PKP4: variants seen among roughly 807,000 people sequenced by gnomAD.
PKP4 encodes plakophilin-4.
A neutral mutation model predicts 145.1 loss-of-function variants in PKP4; 90 were observed. That is an observed-to-expected ratio of 0.62 (90% confidence interval 0.52 to 0.74). The LOEUF (loss-of-function observed/expected upper bound fraction) is 0.74, where lower values mean the gene tolerates loss of function less well. PKP4 is among the 30% of genes least tolerant of loss of function. The pLI, the probability that PKP4 is intolerant of heterozygous loss-of-function variation, is 0.00. For missense variants in PKP4, 1,340 were observed against 1,482.7 expected (o/e 0.90, Z 1.58); for synonymous variants, 563 against 577.2 (o/e 0.98, Z 0.35).
At chr2:158,556,981 CAG>C (rs1310559332) in intron 2 of PKP4, among the ~76,000 whole-genome samples, 1 of 152,046 alleles carries the variant, frequency 6.6e-6, no homozygotes, top group Admixed American at 6.5e-5. Context: ...GGCTGAAAGA[CAG>C]AGTGATAAAG....
intron 4 of PKP4, among the ~76,000 whole-genome samples, chr2:158,607,412 G>A (rs1376434883): frequency 6.6e-6 from 1 of 152,152 alleles, no homozygotes; most frequent in African/African-American, 2.4e-5. Context: ...TACAGAAAAT[G>A]TAGTTACGAA....
intron 9 of PKP4, 89 bp downstream of exon 9, chr2:158,634,378 TATTATACTATC>T (rs753207143): frequency 7.3e-5 from 63 of 858,546 alleles, no homozygotes; most frequent in Admixed American, 3.7e-4. Flanking sequence ...TTGCTAAGTC[TATTATACTATC>T]ATTATACTAT....
intron 1 of PKP4, among the ~76,000 whole-genome samples, chr2:158,472,192 A>G (rs1314582111): frequency 6.6e-6 from 1 of 152,226 alleles, no homozygotes; most frequent in Non-Finnish European, 1.5e-5. Flanking sequence ...TATGTTAAGT[A>G]ATGCATTTGT....
intron 4 of PKP4, among the ~76,000 whole-genome samples, chr2:158,612,051 A>T (rs1409872612): frequency 6.6e-6 from 1 of 151,826 alleles, no homozygotes; most frequent in African/African-American, 2.4e-5. Context: ...GAATCTGAGT[A>T]AAAGGTAGAA....
chr2:158,514,452 C>T (rs979018236), intron 1 of PKP4, among the ~76,000 whole-genome samples: 28 of 152,112 alleles, frequency 1.8e-4, no homozygotes, highest in African/African-American at 5.8e-4. Context: ...TCCTTGAAAA[C>T]GAAATATAGT....
intron 11 of PKP4, among the ~76,000 whole-genome samples, chr2:158,648,764 C>T (rs1378368065): frequency 1.3e-5 from 2 of 152,134 alleles, no homozygotes. Flanking sequence ...TTTGGGAGGC[C>T]AAGGAAGGCA....
intron 11 of PKP4, among the ~76,000 whole-genome samples, 167 bp from the exon 12 acceptor site, chr2:158,657,964 C>T (rs1464974574): frequency 6.6e-6 from 1 of 152,126 alleles, no homozygotes; most frequent in Non-Finnish European, 1.5e-5. Flanking sequence ...AGGCTCATAC[C>T]TTCACTCAAA....
intron 2 of PKP4, among the ~76,000 whole-genome samples, chr2:158,547,427 A>C (rs1475865898): frequency 6.6e-6 from 1 of 152,194 alleles, no homozygotes; most frequent in African/African-American, 2.4e-5. Context: ...GTACTGATTT[A>C]CTCCATTGAT....
chr2:158,483,953 T>C (rs531030633), intron 1 of PKP4, among the ~76,000 whole-genome samples: 1 of 152,266 alleles, frequency 6.6e-6, no homozygotes, highest in African/African-American at 2.4e-5. Context: ...CCAGCCTGAC[T>C]AATGAATTTC....
intron 6 of PKP4, among the ~76,000 whole-genome samples, chr2:158,623,340 A>C (rs1342488787): frequency 2.0e-5 from 3 of 151,840 alleles, no homozygotes; most frequent in Non-Finnish European, 4.4e-5. Context: ...ATGCCCAGCT[A>C]ATTTTTTTGT....
At chr2:158,609,124 C>T (rs2050911625) in intron 4 of PKP4, among the ~76,000 whole-genome samples, 1 of 151,956 alleles carries the variant, frequency 6.6e-6, no homozygotes, top group African/African-American at 2.4e-5. Flanking sequence ...CCCATATTTC[C>T]TTTTCTAGTA....
chr2:158,540,529 A>G (rs1315997756), intron 2 of PKP4, among the ~76,000 whole-genome samples: 4 of 152,190 alleles, frequency 2.6e-5, no homozygotes, highest in Non-Finnish European at 4.4e-5. Context: ...CCTATTTCAT[A>G]TAGTTTCTAC....
At chr2:158,626,285 T>C (rs544597936) in intron 7 of PKP4, among the ~76,000 whole-genome samples, 16 of 152,380 alleles carry the variant, frequency 1.1e-4, no homozygotes, top group African/African-American at 3.1e-4. Context: ...TTTCTATTGA[T>C]GGAATTCTAT....
At chr2:158,618,188 A>G (rs1177043184) in intron 4 of PKP4, among the ~76,000 whole-genome samples, 1 of 152,228 alleles carries the variant, frequency 6.6e-6, no homozygotes, top group Non-Finnish European at 1.5e-5. Context: ...AAAAGAAAAA[A>G]TAACTGAAGA....
At chr2:158,609,628 G>A (rs2050959615) in intron 4 of PKP4, among the ~76,000 whole-genome samples, 1 of 152,142 alleles carries the variant, frequency 6.6e-6, no homozygotes, top group Non-Finnish European at 1.5e-5. Context: ...GCTTAGGAGC[G>A]ATCCCTGCTT....
At chr2:158,508,037 C>G (rs868823279) in intron 1 of PKP4, among the ~76,000 whole-genome samples, 1 of 151,928 alleles carries the variant, frequency 6.6e-6, no homozygotes, top group Non-Finnish European at 1.5e-5. Flanking sequence ...CATTTCATCC[C>G]TTAGACATTC....
intron 2 of PKP4, among the ~76,000 whole-genome samples, chr2:158,557,072 G>A (rs1001527325): frequency 1.3e-5 from 2 of 152,000 alleles, no homozygotes; most frequent in African/African-American, 4.8e-5. Flanking sequence ...AGACATTCAT[G>A]ATCTACACCT....
intron 1 of PKP4, among the ~76,000 whole-genome samples, chr2:158,515,244 G>A (rs551651543): frequency 2.6e-4 from 40 of 152,280 alleles, no homozygotes; most frequent in African/African-American, 8.9e-4. Context: ...TGAAAAAACA[G>A]CTAAAACTTG....
chr2:158,630,968 T>C (rs6746880), intron 7 of PKP4, among the ~76,000 whole-genome samples: 108,281 of 151,998 alleles, frequency 0.71, 40,043 homozygotes, highest in East Asian at 0.92. Context: ...GACGGCGTCT[T>C]GCTCTGTTGC....
Sources: gnomAD v4.1 joint callset for allele counts (sites outside exome capture counted in the v4.1 genomes callset) on GRCh38, gnomAD v4.1.1 for gene constraint, MANE v1.5 for transcripts, NCBI Gene and HGNC (gene_info 2026-07-23, HGNC 2026-07-21) for gene names.